Variants in CEP128 observed in about 807,000 individuals in gnomAD.
CEP128 encodes centrosomal protein 128.
CEP128 carries 132 observed loss-of-function variants against 156.7 expected under a neutral mutation model. That is an observed-to-expected ratio of 0.84 (90% confidence interval 0.73 to 0.97). CEP128 has a LOEUF of 0.97. CEP128 is among the 50% of genes least tolerant of loss of function. The pLI is 0.00. For synonymous variants in CEP128, 469 were observed against 448.9 expected (o/e 1.04, Z -0.57); for missense variants, 1,252 against 1,281.9 (o/e 0.98, Z 0.36).
chr14:80,863,846 G>GTA (rs974227888), intron 8 of CEP128, among the ~76,000 whole-genome samples: 17 of 152,226 alleles, frequency 1.1e-4, no homozygotes, highest in African/African-American at 3.9e-4. Context: ...TTATTGAATT[G>GTA]TACACTTAAA....
chr14:80,715,162 G>T (rs1406007320), intron 19 of CEP128, among the ~76,000 whole-genome samples: 1 of 152,056 alleles, frequency 6.6e-6, no homozygotes, highest in Non-Finnish European at 1.5e-5. Context: ...GGTCAAGGCT[G>T]CAGTGAGCTG....
At chr14:80,708,761 T>C (rs1269809129) in intron 19 of CEP128, among the ~76,000 whole-genome samples, 5 of 152,204 alleles carry the variant, frequency 3.3e-5, no homozygotes, top group Non-Finnish European at 7.4e-5. Context: ...TTGCTTCCTA[T>C]AGTATTTGAA....
chr14:80,809,585 T>A (rs932562434), intron 13 of CEP128, among the ~76,000 whole-genome samples: 4 of 151,912 alleles, frequency 2.6e-5, no homozygotes, highest in Non-Finnish European at 5.9e-5. Flanking sequence ...CTAAAGTGAA[T>A]CACAAAGAGG....
At chr14:80,730,440 G>A (rs1898221660) in intron 19 of CEP128, among the ~76,000 whole-genome samples, 2 of 152,272 alleles carry the variant, frequency 1.3e-5, no homozygotes, top group Admixed American at 6.5e-5. Context: ...TTTAACGTAA[G>A]GGCAACTCCT....
chr14:80,499,986 C>T (rs1336483816), intron 24 of CEP128, among the ~76,000 whole-genome samples: 2 of 152,194 alleles, frequency 1.3e-5, no homozygotes, highest in Non-Finnish European at 2.9e-5. Flanking sequence ...TGGTAGTGAT[C>T]ATGCCTTTAA....
At chr14:80,915,097 G>A (rs578078270) in intron 3 of CEP128, among the ~76,000 whole-genome samples, 3 of 152,274 alleles carry the variant, frequency 2.0e-5, no homozygotes, top group Admixed American at 2.0e-4. Flanking sequence ...TGCCACCCAG[G>A]CTGGAGCGAA....
intron 9 of CEP128, 60 bp downstream of exon 9, chr14:80,862,697 C>T (rs1044882994): frequency 8.9e-7 from 1 of 1,123,690 alleles, no homozygotes; most frequent in Admixed American, 1.7e-5. Flanking sequence ...ACCATTTTAA[C>T]ATGGCTAAAT....
intron 19 of CEP128, among the ~76,000 whole-genome samples, chr14:80,642,948 G>T (rs1224329369): frequency 6.6e-6 from 1 of 151,902 alleles, no homozygotes; most frequent in East Asian, 1.9e-4. Context: ...TAGAAGCAGG[G>T]TTTCACCGTG....
At chr14:80,643,609 CT>C (rs1175571016) in intron 19 of CEP128, among the ~76,000 whole-genome samples, 1 of 152,030 alleles carries the variant, frequency 6.6e-6, no homozygotes, top group East Asian at 1.9e-4. Flanking sequence ...ACTCGGGAGG[CT>C]CAGGCCGGAG....
At chr14:80,905,519 A>C (rs1220937907) in intron 5 of CEP128, 2 of 161,518 alleles carry the variant, frequency 1.2e-5, no homozygotes, top group East Asian at 1.9e-4. Flanking sequence ...AAACTGTCAT[A>C]AGCTTTAAGC....
Position 80,913,675 on chromosome 14 carries a change from C to T in CEP128, c.234+647G>A, listed in dbSNP as rs913490231. On this transcript the variant is annotated intron_variant, in intron 4 of 24. Transcript: ENST00000555265. ...ATGGACATTGGAGACTCAGAAGGGA[C>T]GCAAAGGTATACAGAGTGGTATAAT... Among the ~76,000 whole-genome samples the T allele has an allele frequency of 7.9e-5, 12 of 151,836 alleles. 1 individual carries two copies. The highest frequency in any genetic ancestry group is 2.1e-4 in the South Asian group (1 of 4,762).
At chr14:80,614,650 T>C (rs1313693977) in intron 19 of CEP128, among the ~76,000 whole-genome samples, 1 of 152,200 alleles carries the variant, frequency 6.6e-6, no homozygotes, top group Non-Finnish European at 1.5e-5. Context: ...ATTTTCATAG[T>C]GCTGCTCTTT....
intron 19 of CEP128, among the ~76,000 whole-genome samples, chr14:80,729,118 TGTGTGTGTG>T (rs1280437585): frequency 9.7e-5 from 9 of 93,006 alleles, no homozygotes; most frequent in African/African-American, 2.7e-4. Context: ...TGTGTGTGTG[TGTGTGTGTG>T]TTTACCCAGT....
At chr14:80,547,477 T>C (rs1478464271) in intron 21 of CEP128, among the ~76,000 whole-genome samples, 1 of 152,190 alleles carries the variant, frequency 6.6e-6, no homozygotes, top group Non-Finnish European at 1.5e-5. Context: ...AGCCCTAGTT[T>C]TGTCACATTT....
chr14:80,817,593 T>C (rs1884934663), intron 13 of CEP128, among the ~76,000 whole-genome samples: 1 of 151,942 alleles, frequency 6.6e-6, no homozygotes. Context: ...AATAAAAAGC[T>C]TACTTGAGGC....
At chr14:80,796,500 G>A (rs1047757121) in intron 13 of CEP128, among the ~76,000 whole-genome samples, 1 of 151,770 alleles carries the variant, frequency 6.6e-6, no homozygotes, top group African/African-American at 2.4e-5. Context: ...CCTTGTAGCA[G>A]GTGACACTGT....
At chr14:80,753,365 T>C (rs1899486364) in intron 18 of CEP128, among the ~76,000 whole-genome samples, 1 of 152,178 alleles carries the variant, frequency 6.6e-6, no homozygotes, top group Non-Finnish European at 1.5e-5. Context: ...GTATATAAAT[T>C]CACCTTTCTG....
intron 19 of CEP128, among the ~76,000 whole-genome samples, chr14:80,656,954 C>A (rs1417853478): frequency 6.6e-6 from 1 of 152,126 alleles, no homozygotes; most frequent in Non-Finnish European, 1.5e-5. Context: ...TCTTAAATTG[C>A]ACTTTAAAAA....
intron 19 of CEP128, among the ~76,000 whole-genome samples, chr14:80,658,076 C>T (rs1895251482): frequency 6.6e-6 from 1 of 152,012 alleles, no homozygotes. Flanking sequence ...GCTATCACCA[C>T]AGTAAAGTAC....
Sources: allele counts gnomAD v4.1 joint callset (sites outside exome capture counted in the v4.1 genomes callset), GRCh38; gene constraint gnomAD v4.1.1; transcripts MANE v1.5; gene names NCBI Gene and HGNC (gene_info 2026-07-23, HGNC 2026-07-21).